The following IQANK1 variants were observed in gnomAD, a reference collection of about 807,000 sequenced individuals.
IQANK1 encodes IQ motif and ankyrin repeat domain-containing protein 1.
In IQANK1, 30 loss-of-function variants were observed where a neutral mutation model predicts 22.6. The observed-to-expected ratio is 1.33, with a 90% CI of 0.99 to 1.80. The LOEUF is 1.80. Ranked by LOEUF, IQANK1 falls within the 40% of genes most tolerant of loss-of-function variation. The probability of loss-of-function intolerance (pLI) is 0.00; values close to 1 mark genes in which losing one functional copy is unlikely to be tolerated. For synonymous variants in IQANK1, 122 were observed against 99.6 expected (o/e 1.23, Z -1.34); for missense variants, 275 against 235.2 (o/e 1.17, Z -1.11).
chr8:143,754,917 C>T (rs782344468), intron 3 of IQANK1, among the ~76,000 whole-genome samples: 42 of 152,178 alleles, frequency 2.8e-4, no homozygotes, highest in Non-Finnish European at 4.7e-4. Context: ...TGAGCCACCG[C>T]GCCCAGCCAG....
Position 143,734,197 on chromosome 8 carries a change from G to C in IQANK1, c.-27G>C, listed in dbSNP as rs561971037. On this transcript the variant is annotated 5_prime_UTR_variant, in exon 1 of 14. Coordinates refer to ENST00000527139, the MANE Select transcript of IQANK1 (RefSeq NM_001381874.1). ...GGCGGAGCTCTGGCCTCCTCGCCGA[G>C]TTGGGGGAGGCAGGTGCGACAGGTG... The C allele has an allele frequency of 1.3e-5, 2 of 152,266 alleles. No individual in the cohort carries two copies. Among genetic ancestry groups the C allele is most frequent in the Admixed American group, 1.3e-4 (2 of 15,302 alleles). 9.4% of individuals were successfully genotyped at this position (152,266 alleles called of 1,614,324 possible).
intron 3 of IQANK1, among the ~76,000 whole-genome samples, chr8:143,770,026 G>A (rs1212393604): frequency 2.6e-5 from 4 of 152,156 alleles, no homozygotes; most frequent in African/African-American, 4.8e-5. Context: ...TGCCGGAACC[G>A]GGGAAGTGGA....
chr8:143,777,662 A>G (rs544547142), intron 7 of IQANK1, among the ~76,000 whole-genome samples: 5 of 152,250 alleles, frequency 3.3e-5, no homozygotes, highest in Admixed American at 1.3e-4. Flanking sequence ...GATTGTGACA[A>G]TTTAGAGCTG....
chr8:143,755,492 T>A (rs1587479960), intron 3 of IQANK1, among the ~76,000 whole-genome samples: 1 of 152,088 alleles, frequency 6.6e-6, no homozygotes, highest in Non-Finnish European at 1.5e-5. Context: ...GCCTCCTAAG[T>A]AGCTGGGATT....
rs1820007347 is a variant in IQANK1, at chr8:143,790,257, G to A, written c.1410G>A (p.Leu470=). The A allele has an allele frequency of 1.6e-6, 2 of 1,232,066 alleles. No homozygotes were observed. The highest frequency in any genetic ancestry group is 1.6e-5 in the African/African-American group (1 of 64,432). 76.3% of individuals were successfully genotyped at this position (1,232,066 alleles called of 1,614,324 possible). Reference sequence around the variant, plus strand: ...GGCCGGAGACGATGTGGCTGGCTCTGCTGGGGGCTCTGCGGTGAGGCAGGC... The same window carrying A: ...GGCCGGAGACGATGTGGCTGGCTCTACTGGGGGCTCTGCGGTGAGGCAGGC... ...PLRPETMWLA[L]LGALRYGKPL... is the part of the protein sequence containing the mutation. Residue 470 remains leucine, a synonymous_variant, in exon 13 of 14, where the codon CTG becomes CTA. Coordinates refer to ENST00000527139, the MANE Select transcript of IQANK1 (RefSeq NM_001381874.1).
intron 3 of IQANK1, chr8:143,743,253 G>C (rs547366814): frequency 3.4e-4 from 122 of 357,006 alleles, no homozygotes; most frequent in African/African-American, 2.5e-3. Flanking sequence ...TTTGAGACAG[G>C]GTCAGCTGTC....
chr8:143,766,403 G>A (rs1175706415), intron 3 of IQANK1, among the ~76,000 whole-genome samples: 7 of 152,272 alleles, frequency 4.6e-5, no homozygotes, highest in African/African-American at 1.7e-4. Flanking sequence ...GGGCATGGTG[G>A]CTCATGCCTG....
intron 3 of IQANK1, among the ~76,000 whole-genome samples, chr8:143,757,621 G>C (rs1267902102): frequency 1.3e-5 from 2 of 152,104 alleles, no homozygotes; most frequent in Non-Finnish European, 2.9e-5. Flanking sequence ...ACAGGCATGA[G>C]CCACCACGCT....
At chr8:143,786,507 TCTC>T (rs551199111) in intron 7 of IQANK1, among the ~76,000 whole-genome samples, 147 of 152,350 alleles carry the variant, frequency 9.6e-4, no homozygotes, top group African/African-American at 3.4e-3. Flanking sequence ...TATAGTCATC[TCTC>T]CTATGTGTTT....
At chr8:143,753,809 T>C (rs1819239541) in intron 3 of IQANK1, among the ~76,000 whole-genome samples, 1 of 152,344 alleles carries the variant, frequency 6.6e-6, no homozygotes, top group East Asian at 1.9e-4. Context: ...TTGGCCATAC[T>C]TTCCTGTTTC....
chr8:143,766,980 G>A (rs1236495373), intron 3 of IQANK1, among the ~76,000 whole-genome samples: 2 of 152,234 alleles, frequency 1.3e-5, no homozygotes, highest in East Asian at 1.9e-4. Context: ...TGGCCAGGAA[G>A]TGCCCATATG....
At chr8:143,752,996 G>GGTTTTT (rs368071885) in intron 3 of IQANK1, among the ~76,000 whole-genome samples, 16 of 69,906 alleles carry the variant, frequency 2.3e-4, no homozygotes, top group African/African-American at 1.0e-3. Flanking sequence ...CTCTCTGTTC[G>GGTTTTT]TTTTTTTTTT....
intron 2 of IQANK1, among the ~76,000 whole-genome samples, chr8:143,738,383 G>A (rs966220528): frequency 1.3e-5 from 2 of 152,180 alleles, no homozygotes; most frequent in African/African-American, 4.8e-5. Flanking sequence ...CCTGTTCCAG[G>A]TCCTGCCCCT....
chr8:143,771,737 C>A lies in IQANK1; in HGVS notation c.307-64C>A. ...CGGGCTCCGACCTCAGAGGCGTGGACCGTGGCCTCGGGGCTCGGGGCGGTG... is the reference window on the plus strand; with the variant it reads ...CGGGCTCCGACCTCAGAGGCGTGGAACGTGGCCTCGGGGCTCGGGGCGGTG... On this transcript the variant is annotated intron_variant, in intron 4 of 13. Coordinates refer to ENST00000527139, the MANE Select transcript of IQANK1 (RefSeq NM_001381874.1). The surrounding 1 kb of genome is among the most constrained non-coding windows in gnomAD (Gnocchi z 6.0). The A allele has an allele frequency of 2.5e-6, 1 of 396,736 alleles. No homozygotes were observed. The highest frequency in any genetic ancestry group is 4.4e-6 in the Non-Finnish European group (1 of 225,274). 24.6% of individuals were successfully genotyped at this position (396,736 alleles called of 1,614,324 possible). A position where few individuals can be genotyped will look rare whatever the true frequency, so the allele number is the denominator to read the frequency against.
chr8:143,748,804 T>C (rs1428805316), intron 3 of IQANK1, among the ~76,000 whole-genome samples: 1 of 115,154 alleles, frequency 8.7e-6, no homozygotes, highest in African/African-American at 3.6e-5. Context: ...TATAAATATA[T>C]ATCATATAAA....
chr8:143,748,442 T>C (rs1448463798), intron 3 of IQANK1, among the ~76,000 whole-genome samples: 1 of 143,262 alleles, frequency 7.0e-6, no homozygotes, highest in African/African-American at 2.6e-5. Context: ...TATATATAAA[T>C]ATATATATCA....
At chr8:143,766,308 A>G (rs1819479735) in intron 3 of IQANK1, among the ~76,000 whole-genome samples, 1 of 152,114 alleles carries the variant, frequency 6.6e-6, no homozygotes, top group African/African-American at 2.4e-5. Context: ...TGTCAGTTAC[A>G]TGGATTGCAA....
chr8:143,748,300 T>C (rs1554627453), intron 3 of IQANK1, among the ~76,000 whole-genome samples: 2 of 151,476 alleles, frequency 1.3e-5, no homozygotes, highest in African/African-American at 4.8e-5. Context: ...CAGCAAGTCC[T>C]TTATTTCTTT....
rs540418006 is a variant in IQANK1 at position 143,739,455 on chromosome 8, T to C, written c.86-404T>C. Reference sequence around the variant, plus strand: ...AGCCACCTGCCAGGGGAGTGCCGAATTGGACACACAGAGACCGGAAAGGGC... The same window carrying C: ...AGCCACCTGCCAGGGGAGTGCCGAACTGGACACACAGAGACCGGAAAGGGC... On this transcript the variant is annotated intron_variant, in intron 2 of 13. Transcript: ENST00000527139. The C allele has an allele frequency of 2.9e-5, 5 of 172,144 alleles. No individual in the cohort carries two copies. In the South Asian group the frequency reaches 5.5e-4, roughly 19 times the overall value. The allele number at this position is 172,144 out of a possible 1,614,324, so 10.7% of individuals were successfully genotyped here.
Sources: allele counts gnomAD v4.1 joint callset (sites outside exome capture counted in the v4.1 genomes callset), GRCh38; gene constraint gnomAD v4.1.1; non-coding constraint Gnocchi (gnomAD v3.1); transcripts MANE v1.5; gene names NCBI Gene and HGNC (gene_info 2026-07-23, HGNC 2026-07-21).